Variants in USP6NL observed in about 807,000 individuals in gnomAD.
The protein encoded by USP6NL is USP6 N-terminal like.
Under a neutral mutation model 61.9 loss-of-function variants are expected in USP6NL, and 26 were observed. The observed-to-expected ratio is 0.42, with a 90% CI of 0.31 to 0.58. USP6NL has a LOEUF of 0.58. Ranked by LOEUF, USP6NL falls within the 20% of genes least tolerant of loss-of-function variation. USP6NL has a pLI of 0.16. For synonymous variants in USP6NL, 432 were observed against 390.1 expected, an observed-to-expected ratio of 1.11 and a Z score of -1.27; for missense variants, 1,114 against 1,034.3, an observed-to-expected ratio of 1.08 and a Z score of -1.06.
intron 5 of USP6NL, among the ~76,000 whole-genome samples, chr10:11,514,246 G>A (rs1169838655): frequency 8.4e-6 from 1 of 119,554 alleles, no homozygotes; most frequent in Non-Finnish European, 2.0e-5. Flanking sequence ...ATTATGGGGC[G>A]CATATCATGT....
At chr10:11,480,737 C>T (rs1833162492) in intron 14 of USP6NL, among the ~76,000 whole-genome samples, 1 of 152,212 alleles carries the variant, frequency 6.6e-6, no homozygotes, top group African/African-American at 2.4e-5. Context: ...TCTGTACAGA[C>T]ACAGCCAACA....
chr10:11,518,431 A>G lies in USP6NL; in HGVS notation c.195+104T>C. 1.0e-6 allele frequency: 1 copy of G among 965,212 alleles called. No homozygotes were observed. The highest frequency in any genetic ancestry group is 1.9e-5 in the Admixed American group (1 of 52,316). The allele number at this position is 965,212 out of a possible 1,614,324, so 59.8% of individuals were successfully genotyped here. A position where few individuals can be genotyped will look rare whatever the true frequency, so the allele number is the denominator to read the frequency against. The stretch of plus-strand genomic sequence containing the variant: ...TCCAAAATCTAACAATGACTGTACC[A>G]TTCCCATATAATATGGCACTTAAAA... On this transcript the variant is annotated intron_variant, in intron 5 of 14. Transcript: ENST00000609104. This position sits in a 1 kb window ranked among gnomAD's most constrained non-coding sequence, Gnocchi z 5.3.
Position 11,518,704 on chromosome 10 carries a change from C to T in USP6NL, c.156-130G>A. 3.0e-6 allele frequency: 2 copies of T among 672,542 alleles called. No individual in the cohort carries two copies. The highest frequency in any genetic ancestry group is 4.9e-6 in the Non-Finnish European group (2 of 409,498). The allele number at this position is 672,542 out of a possible 1,614,324, so 41.7% of individuals were successfully genotyped here. On this transcript the variant is annotated intron_variant, in intron 4 of 14. Coordinates refer to ENST00000609104, the MANE Select transcript of USP6NL (RefSeq NM_014688.5). This position sits in a 1 kb window ranked among gnomAD's most constrained non-coding sequence, Gnocchi z 5.3. Reference sequence around the variant, plus strand: ...CACAAGAGTTACATAGGCTTCCATTCATTGAATTCAATATGAAATGATAGC... The same window carrying T: ...CACAAGAGTTACATAGGCTTCCATTTATTGAATTCAATATGAAATGATAGC...
At chr10:11,570,197 T>G (rs919367887) in intron 2 of USP6NL, among the ~76,000 whole-genome samples, 1 of 152,328 alleles carries the variant, frequency 6.6e-6, no homozygotes, top group Admixed American at 6.5e-5. Context: ...CCGCTTGAGG[T>G]TCCATGAGCT....
At chr10:11,549,248 T>A (rs1836397400) in intron 2 of USP6NL, among the ~76,000 whole-genome samples, 1 of 152,084 alleles carries the variant, frequency 6.6e-6, no homozygotes, top group South Asian at 2.1e-4. Context: ...AATTTTACGA[T>A]AAAAAGAACA....
rs1836556134 is a variant in USP6NL at position 11,553,133 on chromosome 10, T to C, written c.5-25566A>G. Among the ~76,000 whole-genome samples the C allele has an allele frequency of 6.6e-6, 1 of 152,212 alleles. No homozygotes were observed. Among genetic ancestry groups the C allele is most frequent in the African/African-American group, 2.4e-5 (1 of 41,456 alleles). On this transcript the variant is annotated intron_variant, in intron 2 of 14. Coordinates refer to ENST00000609104, the MANE Select transcript of USP6NL (RefSeq NM_014688.5). This position sits in a 1 kb window ranked among gnomAD's most constrained non-coding sequence, Gnocchi z 4.8. Reference sequence around the variant, plus strand: ...CTGTAATTTCTCACTAAGTTTTTAATATTCTTTTCAATCATCCTTCCTTTT... The same window carrying C: ...CTGTAATTTCTCACTAAGTTTTTAACATTCTTTTCAATCATCCTTCCTTTT...
Position 11,481,663 on chromosome 10 carries a change from C to T in USP6NL, c.1078+107G>A. On this transcript the variant is annotated intron_variant, in intron 14 of 14. Transcript: ENST00000609104. This position sits in a 1 kb window ranked among gnomAD's most constrained non-coding sequence, Gnocchi z 4.4. ...AAGGCATTCATCCACATTATGTCAT[C>T]ACAAGTATAATGCTTACGCTGTGGG... 8.2e-7 allele frequency: 1 copy of T among 1,212,450 alleles called. No individual in the cohort carries two copies. The allele number at this position is 1,212,450 out of a possible 1,614,324, so 75.1% of individuals were successfully genotyped here.
intron 2 of USP6NL, among the ~76,000 whole-genome samples, chr10:11,577,120 C>T (rs1396568681): frequency 6.8e-6 from 1 of 147,966 alleles, no homozygotes; most frequent in African/African-American, 2.5e-5. Context: ...TACAGTGGTG[C>T]GATCTCAGCT....
chr10:11,514,448 A>G (rs563492281), intron 5 of USP6NL, among the ~76,000 whole-genome samples: 86 of 152,260 alleles, frequency 5.6e-4, no homozygotes, highest in African/African-American at 2.0e-3. Context: ...CAATATCACT[A>G]TAATCTAAAG....
At chr10:11,469,351 G>C (rs924908246) in intron 14 of USP6NL, among the ~76,000 whole-genome samples, 2 of 152,206 alleles carry the variant, frequency 1.3e-5, no homozygotes, top group African/African-American at 4.8e-5. Context: ...ATATGAGTTA[G>C]AGTAATGACA....
In USP6NL at chr10:11,555,471, A is replaced by AG. The variant is rs1566178235; in HGVS notation, c.5-27905_5-27904insC. On this transcript the variant is annotated intron_variant, in intron 2 of 14. Transcript: ENST00000609104. ...ATATATAGAGAGAGAGAGAGAGAGA[A>AG]AGAGAGAGAGAGAGAGAGAGAGAAG... 1.0e-3 allele frequency among the ~76,000 whole-genome samples: 63 copies of AG among 62,106 alleles called. 1 individual carries two copies. The East Asian group carries it at 0.017, about 16-fold the overall frequency. 40.7% of individuals were successfully genotyped at this position (62,106 alleles called of 152,430 possible). A position where few individuals can be genotyped will look rare whatever the true frequency, so the allele number is the denominator to read the frequency against.
At chr10:11,594,914 G>T (rs1838278112) in intron 2 of USP6NL, among the ~76,000 whole-genome samples, 1 of 152,310 alleles carries the variant, frequency 6.6e-6, no homozygotes, top group Middle Eastern at 3.4e-3. Flanking sequence ...ATAAGCAGAT[G>T]ATTTGAATAC....
At chr10:11,577,059 T>C (rs944734271) in intron 2 of USP6NL, among the ~76,000 whole-genome samples, 2 of 150,220 alleles carry the variant, frequency 1.3e-5, no homozygotes, top group Admixed American at 6.6e-5. Flanking sequence ...CCTTTAGAAT[T>C]CTTTTTTTTT....
At chr10:11,573,868 G>A in intron 2 of USP6NL, 1 of 385,168 alleles carries the variant, frequency 2.6e-6, no homozygotes, top group Non-Finnish European at 4.6e-6. Context: ...AGGATAGGCT[G>A]TATCTTCTTG....
rs1217323874 is a variant in USP6NL, at chr10:11,598,213, G to A, written c.-83-496C>T. On this transcript the variant is annotated intron_variant, in intron 1 of 14. Coordinates refer to ENST00000609104, the MANE Select transcript of USP6NL (RefSeq NM_014688.5). This position sits in a 1 kb window ranked among gnomAD's most constrained non-coding sequence, Gnocchi z 4.7. ...ATTATAAAAGTAATATGGGTTCATT[G>A]TTTTAAAAACAAAAAGAATAACAAT... Among the ~76,000 whole-genome samples the A allele has an allele frequency of 6.6e-6, 1 of 152,058 alleles. No homozygotes were observed. Among genetic ancestry groups the A allele is most frequent in the Non-Finnish European group, 1.5e-5 (1 of 67,998 alleles).
At position 11,464,774 on chromosome 10, in the gene USP6NL, T is replaced by C. The variant is rs192068359; in HGVS notation, c.1079-925A>G. ...TGTTCTTATACCTTTTGGTAAGAAA[T>C]ATATTTTATAATATGTGGACCAATT... On this transcript the variant is annotated intron_variant, in intron 14 of 14. Coordinates refer to ENST00000609104, the MANE Select transcript of USP6NL (RefSeq NM_014688.5). 2.7e-4 allele frequency among the ~76,000 whole-genome samples: 41 copies of C among 152,350 alleles called. No individual in the cohort carries two copies. In the East Asian group the frequency reaches 7.9e-3, roughly 29 times the overall value.
intron 10 of USP6NL, among the ~76,000 whole-genome samples, chr10:11,486,420 A>C (rs1304505907): frequency 6.6e-6 from 1 of 152,202 alleles, no homozygotes; most frequent in Non-Finnish European, 1.5e-5. Flanking sequence ...TCTGCTAAAA[A>C]TACAGGCACT....
intron 14 of USP6NL, among the ~76,000 whole-genome samples, chr10:11,473,186 GTTTT>G (rs965234880): frequency 1.3e-5 from 2 of 152,054 alleles, no homozygotes; most frequent in African/African-American, 4.8e-5. Context: ...ATAAACAGTA[GTTTT>G]TTTATTATCT....
In USP6NL at chr10:11,499,014, G is replaced by A. The variant is rs1312665755; in HGVS notation, c.384+2087C>T. Among the ~76,000 whole-genome samples, 2 of 152,094 alleles carry A rather than the reference G, an allele frequency of 1.3e-5. No individual in the cohort carries two copies. Among genetic ancestry groups the A allele is most frequent in the Admixed American group, 6.6e-5 (1 of 15,264 alleles). The stretch of plus-strand genomic sequence containing the variant: ...CAATACCACCCACAGAGCTTTATGG[G>A]GACAAGAAAGGACAAACAGGCCACC... On this transcript the variant is annotated intron_variant, in intron 7 of 14. Transcript: ENST00000609104. This position sits in a 1 kb window ranked among gnomAD's most constrained non-coding sequence, Gnocchi z 4.5.
Sources: gnomAD v4.1 joint callset for allele counts (sites outside exome capture counted in the v4.1 genomes callset) on GRCh38, gnomAD v4.1.1 for gene constraint, Gnocchi (gnomAD v3.1) non-coding constraint, MANE v1.5 for transcripts, NCBI Gene and HGNC (gene_info 2026-07-23, HGNC 2026-07-21) for gene names.